The following GHR variants were observed in gnomAD, a reference collection of about 807,000 sequenced individuals.
GHR encodes the protein GH receptor.
Under a neutral mutation model 67.1 loss-of-function variants are expected in GHR, and 35 were observed. That is an observed-to-expected ratio of 0.52 (90% CI 0.40 to 0.69). GHR has a LOEUF of 0.69. Among genes scored for constraint, GHR ranks in the 30% least tolerant of loss-of-function variants. GHR has a pLI of 0.00. For synonymous variants in GHR, 272 were observed against 269.1 expected, an observed-to-expected ratio of 1.01 and a Z score of -0.10; for missense variants, 792 against 764.6, an observed-to-expected ratio of 1.04 and a Z score of -0.42.
In GHR at chr5:42,435,800, T is replaced by A. The variant is rs148482440; in HGVS notation, c.-12+11845T>A. Among the ~76,000 whole-genome samples the A allele has an allele frequency of 3.4e-3, 518 of 152,338 alleles. 8 individuals are homozygous for A. The highest frequency in any genetic ancestry group is 0.012 in the African/African-American group (489 of 41,584). ...TTTAAATACTGTGCATGTGCTTTTT[T>A]AATTTGGGCCCTCTCATGTGTTAAA... On this transcript the variant is annotated intron_variant, in intron 1 of 9. Coordinates refer to ENST00000230882, the MANE Select transcript of GHR (RefSeq NM_000163.5).
At chr5:42,640,414 G>C (rs1754408212) in intron 3 of GHR, among the ~76,000 whole-genome samples, 1 of 152,174 alleles carries the variant, frequency 6.6e-6, no homozygotes, top group Non-Finnish European at 1.5e-5. Context: ...AGATATGGAA[G>C]ATATGGAATA....
chr5:42,621,146 G>A (rs1197460922), intron 2 of GHR, among the ~76,000 whole-genome samples: 7 of 152,040 alleles, frequency 4.6e-5, no homozygotes, highest in Non-Finnish European at 8.8e-5. Flanking sequence ...AGCAGCTTTT[G>A]GGGTGGCTAG....
intron 1 of GHR, among the ~76,000 whole-genome samples, chr5:42,505,519 T>C (rs1746735098): frequency 6.6e-6 from 1 of 151,980 alleles, no homozygotes; most frequent in South Asian, 2.1e-4. Flanking sequence ...AAGATAAGAC[T>C]TCAATCAGTA....
Position 42,440,419 on chromosome 5 carries a change from C to T in GHR, c.-12+16464C>T, listed in dbSNP as rs1410054661. Among the ~76,000 whole-genome samples the T allele has an allele frequency of 2.0e-5, 3 of 152,078 alleles. No homozygotes were observed. In the East Asian group the frequency reaches 5.8e-4, roughly 29 times the overall value. On this transcript the variant is annotated intron_variant, in intron 1 of 9. Coordinates refer to ENST00000230882, the MANE Select transcript of GHR (RefSeq NM_000163.5). ...AGAAAAAATAGGATCCAGGAAGATA[C>T]TTAGTACTTCTGAGAACTAAAAACA... is the stretch of plus-strand genomic sequence containing the variant.
At chr5:42,559,301 G>T (rs1749473980) in intron 1 of GHR, among the ~76,000 whole-genome samples, 1 of 152,166 alleles carries the variant, frequency 6.6e-6, no homozygotes, top group South Asian at 2.1e-4. Context: ...AGCACTTTGG[G>T]AGGCCGAGAC....
At chr5:42,441,758 C>T (rs1743590197) in intron 1 of GHR, among the ~76,000 whole-genome samples, 1 of 152,192 alleles carries the variant, frequency 6.6e-6, no homozygotes. Flanking sequence ...ATTCGCCTGC[C>T]TTGGCCTCCC....
intron 2 of GHR, among the ~76,000 whole-genome samples, chr5:42,571,060 T>A (rs1254387536): frequency 6.6e-6 from 1 of 152,176 alleles, no homozygotes; most frequent in East Asian, 1.9e-4. Context: ...TTCTTTTCCA[T>A]CCATTTCTAA....
At chr5:42,563,479 G>A (rs543336426) in intron 1 of GHR, among the ~76,000 whole-genome samples, 43 of 151,982 alleles carry the variant, frequency 2.8e-4, no homozygotes, top group Admixed American at 1.3e-3. Flanking sequence ...TTAGCCGGGC[G>A]CGGTGGCGGG....
chr5:42,542,734 C>T (rs1748569601), intron 1 of GHR, among the ~76,000 whole-genome samples: 1 of 152,066 alleles, frequency 6.6e-6, no homozygotes, highest in African/African-American at 2.4e-5. Context: ...TCATCCATCA[C>T]CCAAGTAATG....
At chr5:42,649,053 A>T (rs143274352) in intron 3 of GHR, among the ~76,000 whole-genome samples, 1 of 152,296 alleles carries the variant, frequency 6.6e-6, no homozygotes, top group African/African-American at 2.4e-5. Context: ...AACTCAAATG[A>T]GGAGCCACCT....
intron 4 of GHR, among the ~76,000 whole-genome samples, chr5:42,690,203 C>G (rs183724742): frequency 6.6e-6 from 1 of 152,282 alleles, no homozygotes; most frequent in African/African-American, 2.4e-5. Context: ...AACCGAAGAG[C>G]TGGAATAGGG....
chr5:42,591,196 G>T (rs556712361), intron 2 of GHR, among the ~76,000 whole-genome samples: 1 of 152,216 alleles, frequency 6.6e-6, no homozygotes, highest in Non-Finnish European at 1.5e-5. Flanking sequence ...ATTGTCAAGG[G>T]TTGTCTGTAG....
Position 42,480,698 on chromosome 5 carries a change from T to G in GHR, c.-12+56743T>G, listed in dbSNP as rs572128367. On this transcript the variant is annotated intron_variant, in intron 1 of 9. Coordinates refer to ENST00000230882, the MANE Select transcript of GHR (RefSeq NM_000163.5). ...GTTTAAAGTCTGTTTTATCAGAGACTAGGATTGCAACCCCTGCCTTTTTCT... is the reference window on the plus strand; with the variant it reads ...GTTTAAAGTCTGTTTTATCAGAGACGAGGATTGCAACCCCTGCCTTTTTCT... Among the ~76,000 whole-genome samples, 178 of 152,322 alleles carry G rather than the reference T, an allele frequency of 1.2e-3. No individual in the cohort carries two copies. The Middle Eastern group carries it at 0.02, about 17-fold the overall frequency.
chr5:42,566,076 C>T (rs779298515), intron 2 of GHR, 132 bp downstream of exon 2: 19 of 1,029,082 alleles, frequency 1.8e-5, no homozygotes, highest in Non-Finnish European at 2.5e-5. Flanking sequence ...GGAAACTTGA[C>T]TTAGCTTTAA....
rs945003491 is a variant in GHR, at chr5:42,424,238, G to A, written c.-12+283G>A. Among the ~76,000 whole-genome samples, 4 of 150,820 alleles carry A rather than the reference G, an allele frequency of 2.7e-5. No individual in the cohort carries two copies. The highest frequency in any genetic ancestry group is 1.3e-4 in the Admixed American group (2 of 15,162). On this transcript the variant is annotated intron_variant, in intron 1 of 9. Transcript: ENST00000230882. The surrounding 1 kb of genome is among the most constrained non-coding windows in gnomAD (Gnocchi z 4.1). ...TGTGTGTCTGGAAGTTGGTGAGGGC[G>A]GCAGGGAGTTGCGGGCGACAGACGA... is the stretch of plus-strand genomic sequence containing the variant.
At chr5:42,572,239 G>T (rs184331583) in intron 2 of GHR, among the ~76,000 whole-genome samples, 1 of 152,176 alleles carries the variant, frequency 6.6e-6, no homozygotes, top group Non-Finnish European at 1.5e-5. Flanking sequence ...CCTCTACTTG[G>T]CTTGTAACCA....
intron 3 of GHR, among the ~76,000 whole-genome samples, chr5:42,656,463 A>G (rs1189567436): frequency 6.6e-6 from 1 of 152,122 alleles, no homozygotes; most frequent in Non-Finnish European, 1.5e-5. Flanking sequence ...TGTCCTGTGA[A>G]TCCTGATGTC....
At chr5:42,566,668 A>T (rs1399554842) in intron 2 of GHR, among the ~76,000 whole-genome samples, 1 of 131,808 alleles carries the variant, frequency 7.6e-6, no homozygotes, top group African/African-American at 3.4e-5. Flanking sequence ...AACGGGTGGG[A>T]GACTTTTTTT....
intron 3 of GHR, among the ~76,000 whole-genome samples, chr5:42,658,783 C>A (rs1755400189): frequency 1.3e-5 from 2 of 152,020 alleles, no homozygotes; most frequent in African/African-American, 4.8e-5. Context: ...GGACAGCATT[C>A]CACAGCAACA....
Sources: allele counts gnomAD v4.1 joint callset (sites outside exome capture counted in the v4.1 genomes callset), GRCh38; gene constraint gnomAD v4.1.1; non-coding constraint Gnocchi (gnomAD v3.1); transcripts MANE v1.5; gene names NCBI Gene and HGNC (gene_info 2026-07-23, HGNC 2026-07-21).